ANKRD17: variants seen among roughly 807,000 people sequenced by gnomAD.
The protein encoded by ANKRD17 is ankyrin repeat domain-containing protein 17.
In ANKRD17, 19 loss-of-function variants were observed where a neutral mutation model predicts 229.7. The ratio of observed to expected loss-of-function variants is 0.08; its 90% CI spans 0.06 to 0.12. The LOEUF is 0.12. Among genes scored for constraint, ANKRD17 ranks in the 10% least tolerant of loss-of-function variants. The probability of loss-of-function intolerance (pLI) is 1.00; values close to 1 mark genes in which losing one functional copy is unlikely to be tolerated. For synonymous variants in ANKRD17, 1,112 were observed against 1,146.1 expected (o/e 0.97, Z 0.60); for missense variants, 2,176 against 3,176.8 (o/e 0.68, Z 7.57).
At chr4:73,200,718 T>C (rs1456826425) in intron 1 of ANKRD17, among the ~76,000 whole-genome samples, 1 of 152,028 alleles carries the variant, frequency 6.6e-6, no homozygotes, top group Non-Finnish European at 1.5e-5. Flanking sequence ...ATAAGTCACA[T>C]AAAAAATCAG....
intron 24 of ANKRD17, among the ~76,000 whole-genome samples, chr4:73,104,578 C>G (rs1724386901): frequency 6.6e-6 from 1 of 152,134 alleles, no homozygotes; most frequent in African/African-American, 2.4e-5. Flanking sequence ...AATATTTTAT[C>G]TGTATCGTAT....
At chr4:73,205,031 A>G (rs1449710238) in intron 1 of ANKRD17, among the ~76,000 whole-genome samples, 1 of 152,146 alleles carries the variant, frequency 6.6e-6, no homozygotes, top group Non-Finnish European at 1.5e-5. Context: ...ACTACAAAGC[A>G]GCCCAGGCAG....
At chr4:73,104,132 C>T (rs1724332311) in intron 24 of ANKRD17, 1 of 152,174 alleles carries the variant, frequency 6.6e-6, no homozygotes, top group East Asian at 1.9e-4. Flanking sequence ...GCTAAAGATA[C>T]AGAAACTGCC....
In ANKRD17 at chr4:73,169,474, A is replaced by G. The variant is rs536518668; in HGVS notation, c.547+7906T>C. 4.7e-5 allele frequency among the ~76,000 whole-genome samples: 7 copies of G among 149,596 alleles called. No homozygotes were observed. The East Asian group carries it at 9.8e-4, about 21-fold the overall frequency. On this transcript the variant is annotated intron_variant, in intron 2 of 33. Coordinates refer to ENST00000358602, the MANE Select transcript of ANKRD17 (RefSeq NM_032217.5). Reference sequence around the variant, plus strand: ...TAGGGGAACTAGCCACCCTGAAGGGAAAAAAAAAAGTCTGGCTGGCTTCAC... The same window carrying G: ...TAGGGGAACTAGCCACCCTGAAGGGGAAAAAAAAAGTCTGGCTGGCTTCAC...
intron 8 of ANKRD17, 91 bp downstream of exon 8, chr4:73,148,722 T>G (rs1388402190): frequency 8.5e-7 from 1 of 1,173,138 alleles, no homozygotes; most frequent in African/African-American, 1.5e-5. Context: ...GCAACTCTAC[T>G]AGAAAGGTGA....
At chr4:73,202,991 T>C (rs1738879059) in intron 1 of ANKRD17, among the ~76,000 whole-genome samples, 1 of 152,124 alleles carries the variant, frequency 6.6e-6, no homozygotes, top group Non-Finnish European at 1.5e-5. Context: ...AGCTGAAAAA[T>C]ACAATATTTG....
chr4:73,136,840 C>A (rs1728955158), intron 15 of ANKRD17, among the ~76,000 whole-genome samples: 1 of 151,822 alleles, frequency 6.6e-6, no homozygotes, highest in African/African-American at 2.4e-5. Context: ...GGATGAACAC[C>A]AGTCTGTCCG....
intron 1 of ANKRD17, among the ~76,000 whole-genome samples, chr4:73,209,449 G>C (rs1176316271): frequency 6.6e-6 from 1 of 151,904 alleles, no homozygotes. Context: ...TATCAAATCT[G>C]ACAGAAAAAA....
chr4:73,098,665 A>G lies in ANKRD17; in HGVS notation c.4574-145T>C, dbSNP rs576430172. 6.9e-4 allele frequency: 598 copies of G among 861,374 alleles called. 4 individuals are homozygous for G. Among genetic ancestry groups the G allele is most frequent in the Admixed American group, 1.5e-3 (59 of 39,662 alleles). The allele number at this position is 861,374 out of a possible 1,614,324, so 53.4% of individuals were successfully genotyped here. ...GTTATTCTCACATTCATCGGTAATGAGCTGGATAGGACTGATATACTCTGT... is the reference window on the plus strand; with the variant it reads ...GTTATTCTCACATTCATCGGTAATGGGCTGGATAGGACTGATATACTCTGT... On this transcript the variant is annotated intron_variant, in intron 25 of 33. Transcript: ENST00000358602.
At chr4:73,150,170 T>C (rs1730828618) in intron 7 of ANKRD17, among the ~76,000 whole-genome samples, 1 of 152,194 alleles carries the variant, frequency 6.6e-6, no homozygotes, top group Non-Finnish European at 1.5e-5. Flanking sequence ...CAGTGCTGAA[T>C]CTTCTTCCTC....
At chr4:73,213,533 A>G (rs1298352218) in intron 1 of ANKRD17, among the ~76,000 whole-genome samples, 3 of 152,210 alleles carry the variant, frequency 2.0e-5, no homozygotes, top group Admixed American at 6.5e-5. Context: ...CACCTCAAGC[A>G]GTTCCTCAAA....
At chr4:73,164,591 G>A (rs1288226527) in intron 2 of ANKRD17, among the ~76,000 whole-genome samples, 1 of 152,086 alleles carries the variant, frequency 6.6e-6, no homozygotes, top group Non-Finnish European at 1.5e-5. Context: ...AGGAGTTGGA[G>A]ATCAGCCTGG....
chr4:73,144,962 CA>C, intron 10 of ANKRD17, 130 bp from the exon 11 acceptor site: 1 of 536,532 alleles, frequency 1.9e-6, no homozygotes, highest in Non-Finnish European at 3.1e-6. Context: ...TGCTTTGAAG[CA>C]AATTAAGAAA....
rs1378088318 is a variant in ANKRD17 at position 73,086,909 on chromosome 4, AAAAAAAAAAAATATATATATAT to A, written c.6962-1485_6962-1464del. Among the ~76,000 whole-genome samples the A allele has an allele frequency of 2.5e-4, 9 of 36,180 alleles. 1 individual carries two copies. The Admixed American group carries it at 2.9e-3, about 12-fold the overall frequency. 23.7% of individuals were successfully genotyped at this position (36,180 alleles called of 152,430 possible). On this transcript the variant is annotated intron_variant, in intron 29 of 33. Coordinates refer to ENST00000358602, the MANE Select transcript of ANKRD17 (RefSeq NM_032217.5). ...TGAGACTCCATCTCAAAAAAAAAAA[AAAAAAAAAAAATATATATATAT>A]ATATATATATATATATATATATCTG...
intron 1 of ANKRD17, among the ~76,000 whole-genome samples, chr4:73,189,626 G>C (rs986710101): frequency 2.0e-5 from 3 of 152,096 alleles, no homozygotes; most frequent in Admixed American, 2.0e-4. Flanking sequence ...GCACTCAGCT[G>C]TCTGGAATGC....
Position 73,240,030 on chromosome 4 carries a change from GATAAA to G in ANKRD17, c.393+18241_393+18245del, listed in dbSNP as rs151201540. On this transcript the variant is annotated intron_variant, in intron 1 of 33. Transcript: ENST00000358602. ...AATTACTCCTAGTTCATTTGAAATA[GATAAA>G]ATAAACAGTGAAACAGTTCTTCAAA... Among the ~76,000 whole-genome samples, 585 of 152,188 alleles carry G rather than the reference GATAAA, an allele frequency of 3.8e-3. 4 individuals are homozygous for G. The highest frequency in any genetic ancestry group is 0.013 in the African/African-American group (555 of 41,534).
chr4:73,154,283 C>A (rs1259332243), intron 5 of ANKRD17, among the ~76,000 whole-genome samples, 170 bp from the exon 6 acceptor site: 2 of 151,858 alleles, frequency 1.3e-5, no homozygotes, highest in African/African-American at 4.8e-5. Context: ...TTTCCTACTG[C>A]ATTTTATCTT....
intron 11 of ANKRD17, among the ~76,000 whole-genome samples, chr4:73,144,446 T>C (rs1729989609): frequency 1.3e-5 from 2 of 152,224 alleles, no homozygotes; most frequent in Admixed American, 6.5e-5. Context: ...GAAAGTGCTA[T>C]AGTACATGAA....
At chr4:73,232,734 T>A (rs994410298) in intron 1 of ANKRD17, among the ~76,000 whole-genome samples, 5 of 152,138 alleles carry the variant, frequency 3.3e-5, no homozygotes, top group African/African-American at 7.2e-5. Flanking sequence ...CCCCCCTTTT[T>A]ATTTTTTGAG....
Sources: allele counts gnomAD v4.1 joint callset (sites outside exome capture counted in the v4.1 genomes callset), GRCh38; gene constraint gnomAD v4.1.1; transcripts MANE v1.5; gene names NCBI Gene and HGNC (gene_info 2026-07-23, HGNC 2026-07-21).